The following TMEM135 variants were observed in gnomAD, a reference collection of about 807,000 sequenced individuals.
The protein encoded by TMEM135 is peroxisomal membrane protein 52.
TMEM135 carries 30 observed loss-of-function variants against 60.3 expected under a neutral mutation model. The observed-to-expected ratio is 0.50, with a 90% CI of 0.37 to 0.68. The LOEUF (loss-of-function observed/expected upper bound fraction) is 0.68. TMEM135 is among the 30% of genes least tolerant of loss of function. TMEM135 has a pLI of 0.00. For missense variants in TMEM135, 468 were observed against 548.8 expected (o/e 0.85, Z 1.47); for synonymous variants, 190 against 186.7 (o/e 1.02, Z -0.14).
rs1470271510 is a variant in TMEM135, at chr11:87,322,032, C to T, written c.*699C>T. 2.2e-6 allele frequency: 1 copy of T among 454,302 alleles called. No individual in the cohort carries two copies. Among genetic ancestry groups the T allele is most frequent in the South Asian group, 1.6e-5 (1 of 64,452 alleles). 28.1% of individuals were successfully genotyped at this position (454,302 alleles called of 1,614,324 possible). ...GCCCAGTGAACCTATGTACTAATGG[C>T]AAGTTAGGGGCAAATGGAAATGGAC... On this transcript the variant is annotated 3_prime_UTR_variant, in exon 15 of 15. Coordinates refer to ENST00000305494, the MANE Select transcript of TMEM135 (RefSeq NM_022918.4).
intron 5 of TMEM135, among the ~76,000 whole-genome samples, chr11:87,200,697 T>A (rs1026208881): frequency 6.6e-5 from 10 of 152,324 alleles, no homozygotes; most frequent in African/African-American, 2.2e-4. Flanking sequence ...AAATGTATAA[T>A]GACATGTATC....
Position 87,255,057 on chromosome 11 carries a change from G to A in TMEM135, c.509+18373G>A, listed in dbSNP as rs551658322. ...GATTGGGATAATGATTTAAAGTGGG[G>A]CTTTTCCTTTCCTTCCTCTTTTTTT... is the stretch of plus-strand genomic sequence containing the variant. On this transcript the variant is annotated intron_variant, in intron 6 of 14. Coordinates refer to ENST00000305494, the MANE Select transcript of TMEM135 (RefSeq NM_022918.4). 2.0e-5 allele frequency among the ~76,000 whole-genome samples: 3 copies of A among 152,262 alleles called. No individual in the cohort carries two copies. The South Asian group carries it at 6.2e-4, about 32-fold the overall frequency.
intron 6 of TMEM135, among the ~76,000 whole-genome samples, chr11:87,283,342 A>G (rs1405000041): frequency 6.6e-6 from 1 of 151,984 alleles, no homozygotes; most frequent in African/African-American, 2.4e-5. Flanking sequence ...TCAAAAAAAA[A>G]AAAAGAAAAG....
At chr11:87,300,219 T>G (rs1942419513) in intron 7 of TMEM135, among the ~76,000 whole-genome samples, 1 of 152,206 alleles carries the variant, frequency 6.6e-6, no homozygotes, top group South Asian at 2.1e-4. Context: ...ATATGTGTAG[T>G]CAGTTCAGAT....
chr11:87,073,952 G>A (rs1387841832), intron 3 of TMEM135, among the ~76,000 whole-genome samples: 1 of 152,068 alleles, frequency 6.6e-6, no homozygotes, highest in African/African-American at 2.4e-5. Context: ...ACCTGCGTGA[G>A]CCACTGCGCC....
intron 1 of TMEM135, among the ~76,000 whole-genome samples, chr11:87,062,647 T>A (rs1949961678): frequency 6.6e-6 from 1 of 151,392 alleles, no homozygotes; most frequent in African/African-American, 2.4e-5. Flanking sequence ...GTATTTTTAG[T>A]ATAGATGGGA....
rs1358838868 is a variant in TMEM135, at chr11:87,067,740, A to G, written c.188A>G (p.Lys63Arg). ...CGGAAATTAGACTATTATTTACACA[A>G]ACTACTCCCTGAGATCCTACAATCC... is the stretch of plus-strand genomic sequence containing the variant. Reference protein sequence around the residue: ...RKRKLDYYLHKLLPEILQSAS... With the variant: ...RKRKLDYYLHRLLPEILQSAS... Residue 63 changes from lysine to arginine, a missense_variant, in exon 2 of 15, where the codon AAA (lysine) becomes AGA (arginine). Lys to Arg is a conservative substitution (Grantham distance 26). Transcript: ENST00000305494. The G allele has an allele frequency of 1.2e-6, 2 of 1,613,810 alleles. No homozygotes were observed. Among genetic ancestry groups the G allele is most frequent in the African/African-American group, 2.7e-5 (2 of 74,910 alleles).
At chr11:87,105,558 G>T (rs1042261213) in intron 4 of TMEM135, among the ~76,000 whole-genome samples, 2 of 152,024 alleles carry the variant, frequency 1.3e-5, no homozygotes, top group Non-Finnish European at 2.9e-5. Flanking sequence ...AACCATCCTC[G>T]CCTCCCAGGG....
intron 4 of TMEM135, among the ~76,000 whole-genome samples, chr11:87,150,159 G>C (rs1422462028): frequency 6.7e-6 from 1 of 148,744 alleles, no homozygotes; most frequent in Non-Finnish European, 1.5e-5. Flanking sequence ...GGAGGTTGCA[G>C]TGAGCCGAGT....
intron 4 of TMEM135, among the ~76,000 whole-genome samples, chr11:87,144,474 G>A (rs1316102598): frequency 6.6e-6 from 1 of 152,178 alleles, no homozygotes; most frequent in Non-Finnish European, 1.5e-5. Context: ...ATATAAACAG[G>A]TGGCAGGCTG....
intron 5 of TMEM135, among the ~76,000 whole-genome samples, chr11:87,189,405 C>A (rs1939744025): frequency 6.6e-6 from 1 of 152,158 alleles, no homozygotes. Context: ...AGGTGATCCA[C>A]CTGCCTCAGG....
intron 4 of TMEM135, among the ~76,000 whole-genome samples, chr11:87,141,640 A>C (rs1938264744): frequency 6.6e-6 from 1 of 152,192 alleles, no homozygotes; most frequent in Admixed American, 6.5e-5. Context: ...GAGAGTGGCC[A>C]TCCTGACCTT....
intron 5 of TMEM135, among the ~76,000 whole-genome samples, chr11:87,162,821 A>G (rs1938922657): frequency 6.6e-6 from 1 of 152,070 alleles, no homozygotes; most frequent in African/African-American, 2.4e-5. Context: ...GGTTGAACTA[A>G]TTTACACTTC....
intron 3 of TMEM135, among the ~76,000 whole-genome samples, chr11:87,083,838 A>G (rs1394216820): frequency 6.6e-6 from 1 of 152,116 alleles, no homozygotes; most frequent in East Asian, 1.9e-4. Context: ...AACCCATTAT[A>G]CCTTGAAAGA....
chr11:87,191,126 A>G (rs1939788390), intron 5 of TMEM135, among the ~76,000 whole-genome samples: 1 of 152,118 alleles, frequency 6.6e-6, no homozygotes, highest in African/African-American at 2.4e-5. Context: ...TGACCTCTCC[A>G]TAAGTTTGCT....
chr11:87,042,954 G>GTTTTTTTTTTTTTTTTTTT (rs201655891), intron 1 of TMEM135, among the ~76,000 whole-genome samples: 1 of 125,408 alleles, frequency 8.0e-6, no homozygotes, highest in African/African-American at 3.2e-5. Flanking sequence ...CTGTAGTTTT[G>GTTTTTTTTTTTTTTTTTTT]TTTTGTTTTT....
intron 13 of TMEM135, 138 bp downstream of exon 13, chr11:87,318,373 T>A: frequency 1.4e-6 from 1 of 707,468 alleles, no homozygotes; most frequent in Non-Finnish European, 2.3e-6. Flanking sequence ...TTTTGTTTTG[T>A]TTTTTTTTCA....
chr11:87,193,637 A>G (rs1358063936), intron 5 of TMEM135, among the ~76,000 whole-genome samples: 1 of 151,760 alleles, frequency 6.6e-6, no homozygotes, highest in African/African-American at 2.4e-5. Flanking sequence ...AGAATATCTG[A>G]CTTCTCTTTT....
intron 3 of TMEM135, among the ~76,000 whole-genome samples, chr11:87,080,964 G>T (rs1396850138): frequency 6.6e-6 from 1 of 152,182 alleles, no homozygotes; most frequent in Non-Finnish European, 1.5e-5. Flanking sequence ...GGGATTACAG[G>T]CATGAGCCAC....
Sources: allele counts gnomAD v4.1 joint callset (sites outside exome capture counted in the v4.1 genomes callset), GRCh38; gene constraint gnomAD v4.1.1; transcripts MANE v1.5; gene names NCBI Gene and HGNC (gene_info 2026-07-23, HGNC 2026-07-21).